The following ZNF385D variants were observed in gnomAD, a reference collection of about 807,000 sequenced individuals.
ZNF385D encodes zinc finger protein 659.
ZNF385D carries 15 observed loss-of-function variants against 35.8 expected under a neutral mutation model. The ratio of observed to expected loss-of-function variants is 0.42; its 90% confidence interval spans 0.28 to 0.64. The LOEUF is 0.64. Among genes scored for constraint, ZNF385D ranks in the 30% least tolerant of loss-of-function variants. ZNF385D has a pLI of 0.23. For missense variants in ZNF385D, 474 were observed against 494.6 expected, an observed-to-expected ratio of 0.96 and a Z score of 0.39; for synonymous variants, 212 against 186.8, an observed-to-expected ratio of 1.13 and a Z score of -1.10.
Position 21,980,895 on chromosome 3 carries a change from C to G in ZNF385D, c.325+187922G>C, listed in dbSNP as rs142350897. Among the ~76,000 whole-genome samples the G allele has an allele frequency of 6.2e-3, 944 of 152,192 alleles. 10 individuals are homozygous for G. The highest frequency in any genetic ancestry group is 0.022 in the African/African-American group (897 of 41,536). On this transcript the variant is annotated intron_variant, in intron 3 of 5. Coordinates refer to the ZNF385D transcript ENST00000494108. ...TCTATATTCCTGCAAAAGAGATGAT[C>G]TAATTCTTTTTTTATGGTTGCATAG...
chr3:21,683,258 C>A lies in ZNF385D; in HGVS notation c.23-18230G>T, dbSNP rs1262114880. Among the ~76,000 whole-genome samples the A allele has an allele frequency of 2.0e-5, 3 of 149,784 alleles. 1 individual carries two copies. The highest frequency in any genetic ancestry group is 4.5e-5 in the Non-Finnish European group (3 of 67,318). On this transcript the variant is annotated intron_variant, in intron 1 of 7. Transcript: ENST00000281523. ...CCAAGATTTCCTGCTTCCTGCTGTA[C>A]ACACCCTACATCATCTGTAGGACTA...
At position 21,602,328 on chromosome 3, in the gene ZNF385D, C is replaced by T. The variant is rs542919606; in HGVS notation, c.166-37644G>A. Among the ~76,000 whole-genome samples, 90 of 152,060 alleles carry T rather than the reference C, an allele frequency of 5.9e-4. 2 individuals are homozygous for T. The South Asian group carries it at 0.018, about 31-fold the overall frequency. ...GAACGTGACTATCTTTTCCATTGTT[C>T]TACCCAAAGCTAGTTGTGGACAATC... On this transcript the variant is annotated intron_variant, in intron 2 of 7. Coordinates refer to ENST00000281523, the MANE Select transcript of ZNF385D (RefSeq NM_024697.3).
intron 3 of ZNF385D, among the ~76,000 whole-genome samples, chr3:21,842,835 T>C (rs1406137578): frequency 6.6e-6 from 1 of 152,052 alleles, no homozygotes; most frequent in Non-Finnish European, 1.5e-5. Context: ...TAAGGACATT[T>C]CTAAAAACAG....
intron 3 of ZNF385D, among the ~76,000 whole-genome samples, chr3:22,026,126 A>G (rs1697534007): frequency 6.6e-6 from 1 of 152,184 alleles, no homozygotes; most frequent in Admixed American, 6.5e-5. Context: ...GTTAGAAGTG[A>G]AATTGATAGG....
chr3:21,990,683 T>A (rs1445326825), intron 3 of ZNF385D, among the ~76,000 whole-genome samples: 5 of 152,212 alleles, frequency 3.3e-5, no homozygotes, highest in Non-Finnish European at 5.9e-5. Context: ...CTAATTTAGT[T>A]ACAGAAATCT....
intron 2 of ZNF385D, among the ~76,000 whole-genome samples, chr3:22,296,714 T>C (rs1207666138): frequency 6.6e-6 from 1 of 152,126 alleles, no homozygotes; most frequent in African/African-American, 2.4e-5. Flanking sequence ...AGCATACCTC[T>C]GCAGCTGACA....
chr3:22,293,806 C>T (rs1702426601), intron 2 of ZNF385D, among the ~76,000 whole-genome samples: 1 of 152,110 alleles, frequency 6.6e-6, no homozygotes, highest in South Asian at 2.1e-4. Flanking sequence ...TTGAAAACTA[C>T]TGAATCAGTA....
chr3:21,474,652 G>A (rs1423640687), intron 4 of ZNF385D, among the ~76,000 whole-genome samples: 1 of 152,054 alleles, frequency 6.6e-6, no homozygotes, highest in Non-Finnish European at 1.5e-5. Flanking sequence ...TATTTTTAAT[G>A]TGTTGTAAAT....
chr3:22,301,892 C>A (rs758341762), intron 2 of ZNF385D, among the ~76,000 whole-genome samples: 1 of 151,872 alleles, frequency 6.6e-6, no homozygotes, highest in Non-Finnish European at 1.5e-5. Flanking sequence ...TTTTGTTATT[C>A]TTTGTAGTAT....
chr3:21,914,382 T>TTTTTTTTTTTTTTG, intron 3 of ZNF385D, among the ~76,000 whole-genome samples: 1 of 1,582 alleles, frequency 6.3e-4, no homozygotes, highest in Non-Finnish European at 1.2e-3. Context: ...TTTGTTTGAC[T>TTTTTTTTTTTTTTG]TTTTTTTTTT....
chr3:21,911,600 T>C (rs259548), intron 3 of ZNF385D, among the ~76,000 whole-genome samples: 22,373 of 151,956 alleles, frequency 0.15, 1,915 homozygotes, highest in African/African-American at 0.17. Context: ...ACTGAATAAA[T>C]TGGAAATCCT....
At chr3:21,890,890 C>T (rs905207076) in intron 3 of ZNF385D, among the ~76,000 whole-genome samples, 18 of 152,116 alleles carry the variant, frequency 1.2e-4, no homozygotes, top group Middle Eastern at 3.4e-3. Context: ...ATTGGTTGTA[C>T]GATTTTTGTT....
chr3:22,329,888 T>C (rs1694856293), intron 2 of ZNF385D, among the ~76,000 whole-genome samples: 1 of 152,252 alleles, frequency 6.6e-6, no homozygotes, highest in Non-Finnish European at 1.5e-5. Context: ...AAATATGGTA[T>C]GTGTTTTACA....
At chr3:22,164,930 T>C (rs748854927) in intron 3 of ZNF385D, among the ~76,000 whole-genome samples, 2 of 152,126 alleles carry the variant, frequency 1.3e-5, no homozygotes, top group Non-Finnish European at 2.9e-5. Context: ...GGCTACATAG[T>C]ATGTAATTCA....
At chr3:22,125,262 T>C (rs1490856220) in intron 3 of ZNF385D, among the ~76,000 whole-genome samples, 1 of 152,122 alleles carries the variant, frequency 6.6e-6, no homozygotes, top group East Asian at 1.9e-4. Context: ...CTATTCTCTT[T>C]CACTAGTGTA....
At chr3:21,705,620 C>A (rs2125396805) in intron 1 of ZNF385D, among the ~76,000 whole-genome samples, 1 of 152,216 alleles carries the variant, frequency 6.6e-6, no homozygotes, top group Non-Finnish European at 1.5e-5. Context: ...TTCTTAATCT[C>A]TTCATTTTAC....
chr3:22,192,780 T>C (rs1179116085), intron 2 of ZNF385D, among the ~76,000 whole-genome samples: 2 of 152,072 alleles, frequency 1.3e-5, no homozygotes, highest in African/African-American at 2.4e-5. Context: ...CCTAAGAAGA[T>C]GGGGGTGGAA....
intron 3 of ZNF385D, among the ~76,000 whole-genome samples, chr3:22,080,603 T>C (rs1700699208): frequency 6.6e-6 from 1 of 151,770 alleles, no homozygotes; most frequent in African/African-American, 2.4e-5. Flanking sequence ...TTTTATATTT[T>C]ATATACAAAA....
rs376401394 is a variant in ZNF385D at position 21,697,612 on chromosome 3, T to C, written c.23-32584A>G. Among the ~76,000 whole-genome samples, 5 of 152,268 alleles carry C rather than the reference T, an allele frequency of 3.3e-5. No individual in the cohort carries two copies. The South Asian group carries it at 6.2e-4, about 19-fold the overall frequency. On this transcript the variant is annotated intron_variant, in intron 1 of 7. Coordinates refer to ENST00000281523, the MANE Select transcript of ZNF385D (RefSeq NM_024697.3). ...AAACCAAAAATGGACAAATGGGACT[T>C]AATTAAACTAAAAAGCTTTTGCACA...
Sources: gnomAD v4.1 joint callset for allele counts (sites outside exome capture counted in the v4.1 genomes callset) on GRCh38, gnomAD v4.1.1 for gene constraint, MANE v1.5 for transcripts, NCBI Gene and HGNC (gene_info 2026-07-23, HGNC 2026-07-21) for gene names.